ANK3: variants seen among roughly 807,000 people sequenced by gnomAD.
The protein encoded by ANK3 is ankyrin 3.
Under a neutral mutation model 370.9 loss-of-function variants are expected in ANK3, and 57 were observed. The observed-to-expected ratio is 0.15, with a 90% CI of 0.12 to 0.19. ANK3 has a LOEUF of 0.19. ANK3 is among the 10% of genes least tolerant of loss of function. The pLI is 1.00. For synonymous variants in ANK3, 1,929 were observed against 1,946.3 expected (o/e 0.99, Z 0.23); for missense variants, 4,439 against 5,302.1 (o/e 0.84, Z 5.06).
At chr10:60,656,925 T>C (rs1376841200) in intron 1 of ANK3, among the ~76,000 whole-genome samples, 2 of 151,148 alleles carry the variant, frequency 1.3e-5, no homozygotes, top group Non-Finnish European at 2.9e-5. Flanking sequence ...GCCTGGCTAA[T>C]TGTTGTTGGT....
chr10:60,654,179 A>G (rs1227809103), intron 1 of ANK3, among the ~76,000 whole-genome samples: 1 of 152,090 alleles, frequency 6.6e-6, no homozygotes, highest in Non-Finnish European at 1.5e-5. Flanking sequence ...ATATCCTGCA[A>G]CCTTGCCAAA....
chr10:60,404,844 TAA>T (rs1246885184), intron 2 of ANK3, among the ~76,000 whole-genome samples: 1 of 152,122 alleles, frequency 6.6e-6, no homozygotes, highest in Non-Finnish European at 1.5e-5. Context: ...CCAGAAAATA[TAA>T]GTGACTCCAA....
chr10:60,674,831 C>T (rs562537599), intron 1 of ANK3, among the ~76,000 whole-genome samples: 3 of 152,096 alleles, frequency 2.0e-5, no homozygotes, highest in Non-Finnish European at 2.9e-5. Flanking sequence ...TCTGGATGAC[C>T]GTCTCATAAC....
intron 2 of ANK3, among the ~76,000 whole-genome samples, chr10:60,487,071 G>A (rs2075368226): frequency 6.6e-6 from 1 of 152,074 alleles, no homozygotes; most frequent in Admixed American, 6.6e-5. Context: ...TTAGAGCGAT[G>A]AGCAATTAAA....
At chr10:60,134,177 C>A in intron 25 of ANK3, 94 bp downstream of exon 25, 1 of 1,011,664 alleles carries the variant, frequency 9.9e-7, no homozygotes, top group Non-Finnish European at 1.5e-6. Context: ...ATCAAACATG[C>A]AGAAATATAT....
intron 1 of ANK3, among the ~76,000 whole-genome samples, chr10:60,342,609 G>A (rs761970847): frequency 5.9e-5 from 9 of 152,080 alleles, no homozygotes; most frequent in Non-Finnish European, 1.0e-4. Flanking sequence ...TACGGTAGCT[G>A]AGAGAAAATG....
chr10:60,152,164 A>G (rs2095155257), intron 23 of ANK3, among the ~76,000 whole-genome samples: 1 of 152,190 alleles, frequency 6.6e-6, no homozygotes, highest in Admixed American at 6.5e-5. Flanking sequence ...CACCAGGACA[A>G]CTCTGATCCT....
chr10:60,341,613 T>C (rs4442496), intron 1 of ANK3, among the ~76,000 whole-genome samples: 103,956 of 151,336 alleles, frequency 0.69, 37,149 homozygotes, highest in South Asian at 0.91. Context: ...TCCACTTATG[T>C]GCCTGTCCAT....
intron 1 of ANK3, among the ~76,000 whole-genome samples, chr10:60,312,903 C>T (rs924814871): frequency 1.3e-5 from 2 of 152,190 alleles, no homozygotes; most frequent in Non-Finnish European, 2.9e-5. Context: ...TCTAGTTCTC[C>T]CTAGCCTTGT....
At chr10:60,625,920 GAATA>G (rs764396135) in intron 1 of ANK3, among the ~76,000 whole-genome samples, 27 of 152,106 alleles carry the variant, frequency 1.8e-4, no homozygotes, top group Non-Finnish European at 2.9e-4. Context: ...AATGCTGAAT[GAATA>G]AATAAACAGA....
chr10:60,395,550 C>CTCTTTCTTTCTTCCTTTCTTTCTTTCTT, intron 2 of ANK3, among the ~76,000 whole-genome samples: 1 of 108,442 alleles, frequency 9.2e-6, no homozygotes, highest in East Asian at 3.2e-4. Flanking sequence ...ACTACTATGC[C>CTCTTTCTTTCTTCCTTTCTTTCTTTCTT]TCTTTCTTTC....
At chr10:60,696,503 A>G (rs1335731227) in intron 1 of ANK3, among the ~76,000 whole-genome samples, 70 of 151,752 alleles carry the variant, frequency 4.6e-4, no homozygotes, top group African/African-American at 1.6e-3. Context: ...AAAATCCCCA[A>G]TAAAATACTG....
chr10:60,361,994 T>C (rs1004084344), intron 1 of ANK3, among the ~76,000 whole-genome samples: 1 of 152,192 alleles, frequency 6.6e-6, no homozygotes, highest in Non-Finnish European at 1.5e-5. Flanking sequence ...GAGATAATCA[T>C]TATTTAACAT....
At chr10:60,077,074 C>CT (rs2084009572) in intron 36 of ANK3, among the ~76,000 whole-genome samples, 1 of 152,204 alleles carries the variant, frequency 6.6e-6, no homozygotes, top group African/African-American at 2.4e-5. Context: ...TGACAGGCAA[C>CT]TGATGTGCAA....
chr10:60,272,153 C>T (rs1197682526), intron 4 of ANK3, among the ~76,000 whole-genome samples: 4 of 149,764 alleles, frequency 2.7e-5, no homozygotes, highest in African/African-American at 7.4e-5. Flanking sequence ...GTGTGTCTTT[C>T]ATCTTTGTCC....
upstream of ANK3, among the ~76,000 whole-genome samples, chr10:60,394,098 T>G (rs1289979873): frequency 6.7e-6 from 1 of 149,700 alleles, no homozygotes; most frequent in African/African-American, 2.5e-5. Flanking sequence ...CCATAAGAGA[T>G]AGTCAAAATA....
chr10:60,257,453 G>A (rs575460208), intron 7 of ANK3, among the ~76,000 whole-genome samples: 1 of 152,272 alleles, frequency 6.6e-6, no homozygotes, highest in African/African-American at 2.4e-5. Context: ...ATAGGCAGTA[G>A]GAAGTAGAAT....
At chr10:60,630,382 C>G (rs147764146) in intron 1 of ANK3, among the ~76,000 whole-genome samples, 2 of 152,200 alleles carry the variant, frequency 1.3e-5, no homozygotes, top group Non-Finnish European at 2.9e-5. Flanking sequence ...TTTGTACCTA[C>G]CATGTTACCA....
chr10:60,524,894 C>A (rs929130273), intron 2 of ANK3, among the ~76,000 whole-genome samples: 1 of 151,990 alleles, frequency 6.6e-6, no homozygotes, highest in Admixed American at 6.6e-5. Context: ...TGAACTGGAC[C>A]CATGAACAGA....
Sources: gnomAD v4.1 joint callset for allele counts (sites outside exome capture counted in the v4.1 genomes callset) on GRCh38, gnomAD v4.1.1 for gene constraint, MANE v1.5 for transcripts, NCBI Gene and HGNC (gene_info 2026-07-23, HGNC 2026-07-21) for gene names.